The following ABCA12 variants were observed in gnomAD, a reference collection of about 807,000 sequenced individuals.
The protein encoded by ABCA12 is glucosylceramide transporter ABCA12.
In ABCA12, 156 loss-of-function variants were observed where a neutral mutation model predicts 293.5. The ratio of observed to expected loss-of-function variants is 0.53; its 90% CI spans 0.47 to 0.61. The LOEUF (loss-of-function observed/expected upper bound fraction) is 0.61. Among genes scored for constraint, ABCA12 ranks in the 20% least tolerant of loss-of-function variants. The pLI is 0.00. For synonymous variants in ABCA12, 1,063 were observed against 1,108.0 expected (o/e 0.96, Z 0.81); for missense variants, 2,797 against 3,090.2 (o/e 0.91, Z 2.25).
At chr2:214,985,948 G>T (rs1333340292) in intron 28 of ABCA12, among the ~76,000 whole-genome samples, 1 of 152,190 alleles carries the variant, frequency 6.6e-6, no homozygotes, top group Non-Finnish European at 1.5e-5. Flanking sequence ...GGTGAGGAGT[G>T]AGAAAGAACA....
At chr2:215,126,723 T>C (rs932276161) in intron 1 of ABCA12, among the ~76,000 whole-genome samples, 12 of 152,024 alleles carry the variant, frequency 7.9e-5, no homozygotes, top group Non-Finnish European at 2.9e-5. Flanking sequence ...AGTGGTCTAT[T>C]TTATTTATCT....
In ABCA12 at chr2:214,973,910, G is replaced by A. The variant is rs375766153; in HGVS notation, c.5562+39C>T. Reference sequence around the variant, plus strand: ...TTTCGAGCTTTCGATATTTATTCCCGTATTTTTCCCATTTCACTGAAACTG... The same window carrying A: ...TTTCGAGCTTTCGATATTTATTCCCATATTTTTCCCATTTCACTGAAACTG... On this transcript the variant is annotated intron_variant, in intron 36 of 52. Transcript: ENST00000272895. 179 of 1,518,068 alleles carry A rather than the reference G, an allele frequency of 1.2e-4. 2 individuals are homozygous for A. The highest frequency in any genetic ancestry group is 8.2e-4 in the South Asian group (73 of 89,222). The allele number at this position is 1,518,068 out of a possible 1,614,324, so 94.0% of individuals were successfully genotyped here.
At chr2:215,039,619 G>A (rs1406092104) in intron 7 of ABCA12, among the ~76,000 whole-genome samples, 1 of 152,074 alleles carries the variant, frequency 6.6e-6, no homozygotes, top group African/African-American at 2.4e-5. Flanking sequence ...GCCAGGCGTG[G>A]TGGCGGGCGC....
At chr2:215,119,752 AT>A (rs1234164090) in intron 1 of ABCA12, among the ~76,000 whole-genome samples, 8 of 142,982 alleles carry the variant, frequency 5.6e-5, no homozygotes, top group African/African-American at 1.2e-4. Context: ...AAAAAAAAAA[AT>A]GAAAACAAAA....
intron 2 of ABCA12, among the ~76,000 whole-genome samples, chr2:215,077,555 A>G (rs946959848): frequency 2.0e-5 from 3 of 152,018 alleles, no homozygotes; most frequent in Non-Finnish European, 4.4e-5. Flanking sequence ...ATAACTCCAA[A>G]CTGTTCCATT....
chr2:215,019,198 T>C, intron 13 of ABCA12, 138 bp downstream of exon 13: 1 of 712,138 alleles, frequency 1.4e-6, no homozygotes, highest in East Asian at 2.7e-5. Context: ...CATATTTGAA[T>C]GCTTCAGGTT....
At chr2:215,032,029 T>C in intron 8 of ABCA12, 133 bp from the exon 9 acceptor site, 11 of 1,544,928 alleles carry the variant, frequency 7.1e-6, no homozygotes, top group Non-Finnish European at 9.6e-6. Context: ...CTCAAAAGAA[T>C]TGTATAAAAG....
At chr2:214,987,909 T>A in intron 26 of ABCA12, 116 bp from the exon 27 acceptor site, 1 of 1,306,968 alleles carries the variant, frequency 7.7e-7, no homozygotes, top group Non-Finnish European at 1.1e-6. Flanking sequence ...TTTTTGACAC[T>A]ATATAAAACT....
chr2:215,075,672 T>A, intron 2 of ABCA12: 2 of 627,674 alleles, frequency 3.2e-6, no homozygotes, highest in Non-Finnish European at 5.6e-6. Context: ...GAAGATTATG[T>A]TTGGAAATCA....
chr2:215,047,612 C>G (rs1701228755), intron 6 of ABCA12, among the ~76,000 whole-genome samples: 1 of 152,154 alleles, frequency 6.6e-6, no homozygotes, highest in African/African-American at 2.4e-5. Context: ...ACACCATACA[C>G]AAAATTCAAC....
At chr2:215,044,385 T>A (rs1344706298) in intron 7 of ABCA12, 1 of 152,168 alleles carries the variant, frequency 6.6e-6, no homozygotes, top group Non-Finnish European at 1.5e-5. Flanking sequence ...ATTTGGGGTC[T>A]GAATATTATT....
intron 1 of ABCA12, among the ~76,000 whole-genome samples, chr2:215,115,785 G>A (rs1459064124): frequency 6.6e-6 from 1 of 152,184 alleles, no homozygotes; most frequent in African/African-American, 2.4e-5. Flanking sequence ...GTCCTAGCAA[G>A]GTAAGTGTAC....
In ABCA12 at chr2:214,959,055, A is replaced by C; in HGVS notation, c.5908T>G (p.Tyr1970Asp). The C allele has an allele frequency of 6.2e-7, 1 of 1,613,912 alleles. No homozygotes were observed. ...RHGIIMYSHPYPGVQDQEQAT... is the reference protein window; with the variant it reads ...RHGIIMYSHPDPGVQDQEQAT... ...TGTTCTTGGTCTTGCACTCCTGGAT[A>C]AGGATGGCTATACATGATGATGCCT... is the stretch of plus-strand genomic sequence containing the variant. The change falls in exon 40 of 53, where the codon TAT (tyrosine) becomes GAT (aspartate). Residue 1970 changes from tyrosine (Y) to aspartate (D), a missense_variant. Transcript: ENST00000272895.
intron 2 of ABCA12, among the ~76,000 whole-genome samples, chr2:215,087,502 G>GTGTGTA (rs1172748955): frequency 2.6e-5 from 4 of 151,740 alleles, no homozygotes. Context: ...GTGTGTGTGT[G>GTGTGTA]TGTGTGCATG....
chr2:214,975,221 C>T (rs1443078975), intron 34 of ABCA12, among the ~76,000 whole-genome samples: 4 of 152,278 alleles, frequency 2.6e-5, no homozygotes, highest in Middle Eastern at 3.4e-3. Flanking sequence ...ACCTTGGCCT[C>T]CCAAGGTTCT....
At chr2:214,942,599 ACT>A (rs1031685740) in intron 50 of ABCA12, among the ~76,000 whole-genome samples, 1 of 152,036 alleles carries the variant, frequency 6.6e-6, no homozygotes. Flanking sequence ...TATTGGGTAA[ACT>A]CTAGAACTTC....
intron 6 of ABCA12, among the ~76,000 whole-genome samples, chr2:215,047,281 A>G (rs1011821617): frequency 2.0e-5 from 3 of 152,212 alleles, no homozygotes; most frequent in Non-Finnish European, 4.4e-5. Context: ...TCCATAGTAG[A>G]GTGTTCTTGC....
rs1700478442 is a variant in ABCA12 at position 215,015,677 on chromosome 2, A to G, written c.1783-14T>C. 1 of 1,612,356 alleles carries G rather than the reference A, an allele frequency of 6.2e-7. No homozygotes were observed. Among genetic ancestry groups the G allele is most frequent in the Non-Finnish European group, 8.5e-7 (1 of 1,178,430 alleles). On this transcript the variant is annotated splice_polypyrimidine_tract_variant and intron_variant, in intron 14 of 52. Coordinates refer to ENST00000272895, the MANE Select transcript of ABCA12 (RefSeq NM_173076.3). ...CTGAGAAATAATCTGCAAATGGAGGAAGAAAAATATTTCAACTGTGAATCA... is the reference window on the plus strand; with the variant it reads ...CTGAGAAATAATCTGCAAATGGAGGGAGAAAAATATTTCAACTGTGAATCA...
At chr2:214,943,836 G>A (rs1018582203) in intron 49 of ABCA12, among the ~76,000 whole-genome samples, 3 of 152,152 alleles carry the variant, frequency 2.0e-5, no homozygotes, top group Admixed American at 1.3e-4. Flanking sequence ...AAAGCCAATG[G>A]AAATTAAATG....
Sources: gnomAD v4.1 joint callset for allele counts (sites outside exome capture counted in the v4.1 genomes callset) on GRCh38, gnomAD v4.1.1 for gene constraint, MANE v1.5 for transcripts, NCBI Gene and HGNC (gene_info 2026-07-23, HGNC 2026-07-21) for gene names.